The following ANKS1B variants were observed in gnomAD, a reference collection of about 807,000 sequenced individuals.
ANKS1B encodes the protein ankyrin repeat and sterile alpha motif domain containing 1B.
Under a neutral mutation model 148.3 loss-of-function variants are expected in ANKS1B, and 36 were observed. The observed-to-expected ratio is 0.24, with a 90% CI of 0.19 to 0.32. ANKS1B has a LOEUF of 0.32. Ranked by LOEUF, ANKS1B falls within the 10% of genes least tolerant of loss-of-function variation. The pLI is 1.00. For synonymous variants in ANKS1B, 542 were observed against 560.8 expected, an observed-to-expected ratio of 0.97 and a Z score of 0.47; for missense variants, 1,157 against 1,542.6, an observed-to-expected ratio of 0.75 and a Z score of 4.19.
At chr12:99,674,888 T>C (rs2098555134) in intron 8 of ANKS1B, among the ~76,000 whole-genome samples, 1 of 151,846 alleles carries the variant, frequency 6.6e-6, no homozygotes, top group African/African-American at 2.4e-5. Context: ...ATAATATCCT[T>C]AATATGCAAA....
chr12:99,671,032 C>T (rs867045538), intron 8 of ANKS1B, among the ~76,000 whole-genome samples: 2 of 152,248 alleles, frequency 1.3e-5, no homozygotes, highest in African/African-American at 2.4e-5. Context: ...GTATTAGATA[C>T]AAAAGGATTC....
intron 17 of ANKS1B, among the ~76,000 whole-genome samples, chr12:98,848,749 T>TTTTTTTTTTTTG (rs2099501118): frequency 1.8e-5 from 2 of 112,314 alleles, no homozygotes; most frequent in Non-Finnish European, 3.6e-5. Context: ...TGTGGTTTTT[T>TTTTTTTTTTTTG]TTTTTTTGAG....
chr12:99,889,031 T>C (rs1024873993), intron 1 of ANKS1B, among the ~76,000 whole-genome samples: 4 of 151,010 alleles, frequency 2.6e-5, no homozygotes, highest in East Asian at 1.9e-4. Context: ...ACAAAATTTA[T>C]GTACTTATTA....
intron 17 of ANKS1B, among the ~76,000 whole-genome samples, chr12:98,905,133 T>A (rs1436765394): frequency 6.6e-6 from 1 of 152,062 alleles, no homozygotes; most frequent in Non-Finnish European, 1.5e-5. Context: ...GGAAACTGAG[T>A]CCCTAAGAGG....
chr12:99,648,211 C>A, intron 9 of ANKS1B: 1 of 1,614,098 alleles, frequency 6.2e-7, no homozygotes, highest in Non-Finnish European at 8.5e-7. Context: ...TTACACGGCC[C>A]AAAGCAGCCC....
intron 1 of ANKS1B, among the ~76,000 whole-genome samples, chr12:99,855,352 G>A (rs1052482792): frequency 3.9e-5 from 6 of 151,924 alleles, no homozygotes; most frequent in African/African-American, 1.4e-4. Flanking sequence ...TAGTCCAACA[G>A]GAAAACATCA....
At chr12:99,219,482 T>C (rs2153934119) in intron 14 of ANKS1B, among the ~76,000 whole-genome samples, 1 of 152,320 alleles carries the variant, frequency 6.6e-6, no homozygotes, top group South Asian at 2.1e-4. Flanking sequence ...GAAGTGGCCT[T>C]GTAGGGAGTG....
chr12:99,109,254 G>T (rs2059818298), intron 15 of ANKS1B, among the ~76,000 whole-genome samples: 1 of 152,174 alleles, frequency 6.6e-6, no homozygotes, highest in Non-Finnish European at 1.5e-5. Flanking sequence ...AAGTTAATTG[G>T]TTCATCAAGT....
intron 14 of ANKS1B, among the ~76,000 whole-genome samples, chr12:99,167,759 C>T (rs1348858868): frequency 1.3e-5 from 2 of 151,032 alleles, no homozygotes; most frequent in African/African-American, 5.0e-5. Flanking sequence ...ATGTTTACAG[C>T]AGCTTTATTT....
chr12:98,809,830 C>A (rs1247804617), intron 19 of ANKS1B, among the ~76,000 whole-genome samples: 5 of 152,078 alleles, frequency 3.3e-5, no homozygotes, highest in Non-Finnish European at 5.9e-5. Context: ...GTGAGACAAG[C>A]CTCATTATAC....
chr12:99,401,961 C>T lies in ANKS1B; in HGVS notation c.1576-2150G>A, dbSNP rs1258282997. ...CTCATTTAGTTATGGTCTATGACTG[C>T]CCTCGTACTATAATTGCAGAGTTCA... is the stretch of plus-strand genomic sequence containing the variant. On this transcript the variant is annotated intron_variant, in intron 11 of 26. Transcript: ENST00000683438. Among the ~76,000 whole-genome samples the T allele has an allele frequency of 1.4e-5, 2 of 146,454 alleles. 1 individual carries two copies. The highest frequency in any genetic ancestry group is 5.2e-5 in the African/African-American group (2 of 38,694).
intron 14 of ANKS1B, among the ~76,000 whole-genome samples, chr12:99,166,803 C>G (rs1276431632): frequency 2.0e-5 from 3 of 151,768 alleles, no homozygotes; most frequent in Non-Finnish European, 2.9e-5. Flanking sequence ...CCAGAATAAC[C>G]AAAACAACTT....
chr12:99,891,142 T>G (rs1217721829), intron 1 of ANKS1B, among the ~76,000 whole-genome samples: 1 of 152,226 alleles, frequency 6.6e-6, no homozygotes, highest in Non-Finnish European at 1.5e-5. Context: ...TTCTTGAATA[T>G]AGAAGTGGAA....
intron 9 of ANKS1B, among the ~76,000 whole-genome samples, chr12:99,537,620 T>C (rs1038623912): frequency 2.0e-5 from 3 of 152,208 alleles, no homozygotes; most frequent in African/African-American, 7.2e-5. Flanking sequence ...TATTTTCCTA[T>C]AGAGTTGTTC....
chr12:99,947,561 AG>A (rs975050019), intron 1 of ANKS1B, among the ~76,000 whole-genome samples: 3 of 152,192 alleles, frequency 2.0e-5, no homozygotes, highest in African/African-American at 4.8e-5. Flanking sequence ...CTATATATAT[AG>A]GTTTCTATAT....
At chr12:99,732,980 A>G (rs1011686403) in intron 8 of ANKS1B, among the ~76,000 whole-genome samples, 1 of 151,918 alleles carries the variant, frequency 6.6e-6, no homozygotes, top group Non-Finnish European at 1.5e-5. Context: ...AAAAATAATT[A>G]TCATACTATT....
rs115500981 is a variant in ANKS1B, at chr12:99,774,050, T to C, written c.962-962A>G. On this transcript the variant is annotated intron_variant, in intron 7 of 26. Coordinates refer to ENST00000683438, the MANE Select transcript of ANKS1B (RefSeq NM_001352186.2). ...TTAAGACCTGAAAATATGAAACTCC[T>C]AAAAGAAAACATAGGGAAAAAACTT... is the stretch of plus-strand genomic sequence containing the variant. Among the ~76,000 whole-genome samples the C allele has an allele frequency of 9.3e-3, 1,418 of 152,144 alleles. 25 individuals carry two copies. Among genetic ancestry groups the C allele is most frequent in the African/African-American group, 0.032 (1,350 of 41,548 alleles).
chr12:99,622,562 T>A (rs1350711604), intron 9 of ANKS1B, among the ~76,000 whole-genome samples: 1 of 151,790 alleles, frequency 6.6e-6, no homozygotes, highest in Non-Finnish European at 1.5e-5. Context: ...ATACAACTGA[T>A]CCCACAGAAA....
chr12:99,160,068 G>T (rs1161974574), intron 14 of ANKS1B, among the ~76,000 whole-genome samples: 1 of 152,020 alleles, frequency 6.6e-6, no homozygotes, highest in Non-Finnish European at 1.5e-5. Context: ...TTTTTAATGT[G>T]GTTATTTATT....
Sources: allele counts gnomAD v4.1 joint callset (sites outside exome capture counted in the v4.1 genomes callset), GRCh38; gene constraint gnomAD v4.1.1; transcripts MANE v1.5; gene names NCBI Gene and HGNC (gene_info 2026-07-23, HGNC 2026-07-21).